The following NT5E variants were observed in gnomAD, a reference collection of about 807,000 sequenced individuals.
The protein encoded by NT5E is 5'-nucleotidase.
In NT5E, 53 loss-of-function variants were observed where a neutral mutation model predicts 55.1. The observed-to-expected ratio is 0.96, with a 90% CI of 0.77 to 1.21. The LOEUF is 1.21. Ranked by LOEUF, NT5E falls within the 50% of genes most tolerant of loss-of-function variation. The pLI is 0.00. For synonymous variants in NT5E, 270 were observed against 278.4 expected, an observed-to-expected ratio of 0.97 and a Z score of 0.30; for missense variants, 683 against 724.3, an observed-to-expected ratio of 0.94 and a Z score of 0.65.
intron 1 of NT5E, among the ~76,000 whole-genome samples, chr6:85,457,668 G>A (rs545795627): frequency 1.3e-5 from 2 of 152,226 alleles, no homozygotes; most frequent in Admixed American, 6.5e-5. Context: ...TGATGGCCTG[G>A]GGAATGGGAA....
At position 85,492,087 on chromosome 6, in the gene NT5E, G is replaced by T; in HGVS notation, c.1471G>T (p.Glu491Ter). The T allele has an allele frequency of 6.2e-7, 1 of 1,614,106 alleles. No homozygotes were observed. The highest frequency in any genetic ancestry group is 8.5e-7 in the Non-Finnish European group (1 of 1,179,978). ...VPSYDPLKMD[E>*]VYKVILPNFL... Reference sequence around the variant, plus strand: ...CAGTTATGACCCTCTCAAAATGGACGAGGTATATAAGGTGATCCTCCCAAA... The same window carrying T: ...CAGTTATGACCCTCTCAAAATGGACTAGGTATATAAGGTGATCCTCCCAAA... Residue 491 changes from glutamate to a stop codon, truncating the protein, a stop_gained, in exon 8 of 9, where the codon GAG becomes TAG. Coordinates refer to ENST00000257770, the MANE Select transcript of NT5E (RefSeq NM_002526.4). LOFTEE classifies it high-confidence loss of function.
chr6:85,486,352 A>G (rs1479337085), intron 4 of NT5E, among the ~76,000 whole-genome samples: 1 of 152,240 alleles, frequency 6.6e-6, no homozygotes, highest in Non-Finnish European at 1.5e-5. Flanking sequence ...CAAATAATCC[A>G]TGGAAACAGG....
At chr6:85,488,877 T>C (rs1317852450) in intron 5 of NT5E, among the ~76,000 whole-genome samples, 2 of 144,334 alleles carry the variant, frequency 1.4e-5, no homozygotes, top group East Asian at 4.0e-4. Flanking sequence ...CCACTATGCC[T>C]GGCCTTTTTT....
chr6:85,483,278 G>C (rs1242900907), intron 3 of NT5E, among the ~76,000 whole-genome samples: 1 of 152,204 alleles, frequency 6.6e-6, no homozygotes, highest in African/African-American at 2.4e-5. Context: ...GCCACCTTGT[G>C]GACATTTGGG....
At chr6:85,489,176 A>C (rs1401704406) in intron 5 of NT5E, among the ~76,000 whole-genome samples, 1 of 151,882 alleles carries the variant, frequency 6.6e-6, no homozygotes, top group Non-Finnish European at 1.5e-5. Context: ...TGCAGGAGTG[A>C]CTCTGCAGGC....
intron 3 of NT5E, among the ~76,000 whole-genome samples, chr6:85,479,812 A>G (rs1006285693): frequency 7.9e-5 from 12 of 152,180 alleles, no homozygotes; most frequent in Non-Finnish European, 1.5e-5. Context: ...TGATAGAACC[A>G]GAAGGTAGCT....
At chr6:85,473,942 G>A (rs987823102) in intron 3 of NT5E, among the ~76,000 whole-genome samples, 1 of 152,198 alleles carries the variant, frequency 6.6e-6, no homozygotes, top group Non-Finnish European at 1.5e-5. Flanking sequence ...GTCATTCATA[G>A]CCTGTGGTTT....
At chr6:85,483,867 G>C (rs1769595853) in intron 3 of NT5E, among the ~76,000 whole-genome samples, 2 of 152,124 alleles carry the variant, frequency 1.3e-5, no homozygotes, top group South Asian at 4.1e-4. Context: ...AGACTTTAGG[G>C]GAAAAAAAAT....
chr6:85,470,591 G>GC (rs1769284833), intron 2 of NT5E, among the ~76,000 whole-genome samples: 1 of 152,142 alleles, frequency 6.6e-6, no homozygotes, highest in Non-Finnish European at 1.5e-5. Flanking sequence ...CCTGGCATGT[G>GC]CCTCCACGCC....
chr6:85,480,888 AG>A (rs1365870836), intron 3 of NT5E, among the ~76,000 whole-genome samples: 5 of 152,206 alleles, frequency 3.3e-5, no homozygotes, highest in African/African-American at 1.2e-4. Flanking sequence ...CCTATGGTCC[AG>A]AAACCAGACT....
At chr6:85,486,079 A>G (rs7770359) in intron 4 of NT5E, among the ~76,000 whole-genome samples, 116,048 of 152,050 alleles carry the variant, frequency 0.76, 45,409 homozygotes, top group African/African-American at 0.93. Context: ...TAGTGAGGGC[A>G]GGGGTACGTT....
At chr6:85,473,116 C>G (rs1015830474) in intron 3 of NT5E, among the ~76,000 whole-genome samples, 6 of 152,180 alleles carry the variant, frequency 3.9e-5, no homozygotes, top group African/African-American at 1.4e-4. Context: ...GTTTCAACAA[C>G]TCCATGAGGG....
At chr6:85,456,331 C>T (rs1487510569) in intron 1 of NT5E, among the ~76,000 whole-genome samples, 1 of 152,206 alleles carries the variant, frequency 6.6e-6, no homozygotes, top group African/African-American at 2.4e-5. Context: ...TTTCCAAGTT[C>T]TGTGACTCGT....
chr6:85,491,890 G>A (rs900699201), intron 7 of NT5E, 87 bp from the exon 8 acceptor site: 20 of 1,151,126 alleles, frequency 1.7e-5, no homozygotes, highest in Non-Finnish European at 2.6e-5. Context: ...ACAGCCCCAT[G>A]CCCCAATTGT....
intron 3 of NT5E, among the ~76,000 whole-genome samples, chr6:85,481,220 G>A (rs1319360890): frequency 3.3e-5 from 5 of 152,190 alleles, no homozygotes; most frequent in Admixed American, 3.3e-4. Context: ...TGTCTTGAAA[G>A]AGATACTGGC....
Position 85,450,306 on chromosome 6 carries a change from G to A in NT5E, c.167G>A (p.Arg56His), listed in dbSNP as rs369193143. Reference protein sequence around the residue: ...EDSSKCVNASRCMGGVARLFT... With the variant: ...EDSSKCVNASHCMGGVARLFT... ...TCCAGCAAGTGCGTCAACGCCAGCC[G>A]CTGCATGGGTGGCGTGGCTCGGCTC... Residue 56 changes from arginine to histidine, a missense_variant, in exon 1 of 9, where the codon CGC becomes CAC. Coordinates refer to ENST00000257770, the MANE Select transcript of NT5E (RefSeq NM_002526.4). The surrounding 1 kb of genome is among the most constrained non-coding windows in gnomAD (Gnocchi z 4.0). 3.6e-5 allele frequency: 57 copies of A among 1,604,682 alleles called. No individual in the cohort carries two copies. In the African/African-American group the frequency reaches 6.8e-4, roughly 19 times the overall value.
At chr6:85,472,209 G>A (rs562024603) in intron 3 of NT5E, among the ~76,000 whole-genome samples, 7 of 152,256 alleles carry the variant, frequency 4.6e-5, no homozygotes, top group South Asian at 2.1e-4. Context: ...ATCAGCATTC[G>A]CAAAGAAGGC....
Position 85,471,207 on chromosome 6 carries a change from A to G in NT5E, c.563-30A>G, listed in dbSNP as rs761836637. On this transcript the variant is annotated intron_variant, in intron 2 of 8. Coordinates refer to ENST00000257770, the MANE Select transcript of NT5E (RefSeq NM_002526.4). ...AGTAATATAATAAAAATTGTTAATA[A>G]ATATCCATTTTATTTATTTTGTTCC... 21 of 1,450,278 alleles carry G rather than the reference A, an allele frequency of 1.4e-5. No individual in the cohort carries two copies. In the African/African-American group the frequency reaches 2.8e-4, roughly 20 times the overall value. The allele number at this position is 1,450,278 out of a possible 1,614,324, so 89.8% of individuals were successfully genotyped here.
intron 1 of NT5E, among the ~76,000 whole-genome samples, chr6:85,460,481 T>C (rs562434457): frequency 2.0e-5 from 3 of 152,352 alleles, no homozygotes; most frequent in Admixed American, 2.0e-4. Flanking sequence ...TAACAAATGG[T>C]AGAGGTAATA....
Sources: allele counts gnomAD v4.1 joint callset (sites outside exome capture counted in the v4.1 genomes callset), GRCh38; gene constraint gnomAD v4.1.1; non-coding constraint Gnocchi (gnomAD v3.1); transcripts MANE v1.5; gene names NCBI Gene and HGNC (gene_info 2026-07-23, HGNC 2026-07-21).